RABL3: variants seen among roughly 807,000 people sequenced by gnomAD.
The protein encoded by RABL3 is RAB, member of RAS oncogene family like 3.
Under a neutral mutation model 31.8 loss-of-function variants are expected in RABL3, and 31 were observed. That is an observed-to-expected ratio of 0.97 (90% CI 0.73 to 1.31). The LOEUF is 1.31. RABL3 is among the 40% of genes most tolerant of loss of function. RABL3 has a pLI of 0.00. For missense variants in RABL3, 263 were observed against 279.6 expected, an observed-to-expected ratio of 0.94 and a Z score of 0.42; for synonymous variants, 97 against 99.9, an observed-to-expected ratio of 0.97 and a Z score of 0.18.
chr3:120,693,418 T>C (rs565106749), intron 6 of RABL3, among the ~76,000 whole-genome samples: 1 of 152,306 alleles, frequency 6.6e-6, no homozygotes, highest in South Asian at 2.1e-4. Context: ...TCTTAGGAGA[T>C]GTCACTTAAA....
At chr3:120,691,818 C>T (rs991706771) in intron 6 of RABL3, among the ~76,000 whole-genome samples, 1 of 152,166 alleles carries the variant, frequency 6.6e-6, no homozygotes, top group Non-Finnish European at 1.5e-5. Context: ...TGAGAACAGA[C>T]CAGCTTGCTC....
chr3:120,691,532 G>C (rs1274963071), intron 6 of RABL3, among the ~76,000 whole-genome samples: 1 of 152,150 alleles, frequency 6.6e-6, no homozygotes, highest in African/African-American at 2.4e-5. Context: ...CCTAACTGTA[G>C]GCTAACATAA....
At position 120,742,456 on chromosome 3, in the gene RABL3, G is replaced by T. The variant is rs772553183; in HGVS notation, c.46+6C>A. 6.2e-7 allele frequency: 1 copy of T among 1,613,816 alleles called. No individual in the cohort carries two copies. Among genetic ancestry groups the T allele is most frequent in the Non-Finnish European group, 8.5e-7 (1 of 1,179,710 alleles). ...TGGAGCCCCAGAGGTAGGGTAAGCC[G>T]CTCACCTGAGTCTCCCAACACCAGT... On this transcript the variant is annotated splice_donor_region_variant and intron_variant, in intron 1 of 7. Coordinates refer to ENST00000273375, the MANE Select transcript of RABL3 (RefSeq NM_173825.5).
chr3:120,739,414 A>C (rs1407847381), intron 1 of RABL3, among the ~76,000 whole-genome samples: 1 of 152,092 alleles, frequency 6.6e-6, no homozygotes, highest in South Asian at 2.1e-4. Context: ...AGCTTGCTTT[A>C]GTCTGCATTT....
Position 120,694,273 on chromosome 3 carries a change from C to T in RABL3, c.535-49G>A, listed in dbSNP as rs544732017. On this transcript the variant is annotated intron_variant, in intron 5 of 7. Coordinates refer to ENST00000273375, the MANE Select transcript of RABL3 (RefSeq NM_173825.5). ...ACAATTGAAAGTTAGGAAACCCAAG[C>T]TCGTTGCTATTCATAACTTATCCTG... 4.7e-6 allele frequency: 6 copies of T among 1,273,494 alleles called. No individual in the cohort carries two copies. In the Admixed American group the frequency reaches 1.1e-4, roughly 22 times the overall value. 78.9% of individuals were successfully genotyped at this position (1,273,494 alleles called of 1,614,324 possible). A position where few individuals can be genotyped will look rare whatever the true frequency, so the allele number is the denominator to read the frequency against.
Position 120,709,820 on chromosome 3 carries a change from G to A in RABL3, c.228C>T (p.Ser76=), listed in dbSNP as rs577096248. 15 of 1,612,028 alleles carry A rather than the reference G, an allele frequency of 9.3e-6. No homozygotes were observed. Among genetic ancestry groups the A allele is most frequent in the South Asian group, 4.4e-5 (4 of 90,990 alleles). ...AGAATACTGCTCTTGTGCTTTTCAC[G>A]CTGCTGGCACTGCCCACAGAGCCTC... ...DVGGSVGSAS[S]VKSTRAVFYN... The change falls in exon 3 of 8, where the codon AGC becomes AGT. Residue 76 remains serine (S), a synonymous_variant. Transcript: ENST00000273375.
intron 2 of RABL3, among the ~76,000 whole-genome samples, chr3:120,729,169 TCAGA>T (rs1708855122): frequency 6.6e-6 from 1 of 152,158 alleles, no homozygotes; most frequent in Non-Finnish European, 1.5e-5. Context: ...GTCAGGGACC[TCAGA>T]CAGAAGGTAG....
chr3:120,700,272 G>A (rs1198689473), intron 4 of RABL3, among the ~76,000 whole-genome samples: 1 of 151,866 alleles, frequency 6.6e-6, no homozygotes, highest in Non-Finnish European at 1.5e-5. Flanking sequence ...AATACTGGGT[G>A]GAAAAATAAA....
Position 120,687,492 on chromosome 3 carries a change from T to C in RABL3, c.*2331A>G, listed in dbSNP as rs1000952514. The C allele has an allele frequency of 6.6e-6, 1 of 152,228 alleles. No individual in the cohort carries two copies. The highest frequency in any genetic ancestry group is 2.4e-5 in the African/African-American group (1 of 41,470). The allele number at this position is 152,228 out of a possible 1,614,324, so 9.4% of individuals were successfully genotyped here. A position where few individuals can be genotyped will look rare whatever the true frequency, so the allele number is the denominator to read the frequency against. On this transcript the variant is annotated 3_prime_UTR_variant, in exon 8 of 8. Transcript: ENST00000273375. ...TTTTGACATTTATACTTGTTTATTATCTAAAAGCATTTTTATGAATAGTTC... is the reference window on the plus strand; with the variant it reads ...TTTTGACATTTATACTTGTTTATTACCTAAAAGCATTTTTATGAATAGTTC...
chr3:120,721,372 A>G (rs186357425), intron 2 of RABL3, among the ~76,000 whole-genome samples: 1 of 152,354 alleles, frequency 6.6e-6, no homozygotes, highest in East Asian at 1.9e-4. Flanking sequence ...AAATGCTCCA[A>G]TTAAAAGACA....
intron 2 of RABL3, among the ~76,000 whole-genome samples, chr3:120,719,672 A>C (rs572621247): frequency 3.4e-4 from 52 of 152,338 alleles, no homozygotes; most frequent in African/African-American, 1.2e-3. Flanking sequence ...ACCATTGCCA[A>C]GGCTTGAGTA....
chr3:120,702,262 C>T (rs888176397), intron 4 of RABL3, among the ~76,000 whole-genome samples: 3 of 152,128 alleles, frequency 2.0e-5, no homozygotes, highest in African/African-American at 4.8e-5. Flanking sequence ...GACAATTTTT[C>T]CATGGACAGG....
intron 4 of RABL3, among the ~76,000 whole-genome samples, chr3:120,704,096 T>C (rs1708522765): frequency 6.6e-6 from 1 of 152,174 alleles, no homozygotes; most frequent in Non-Finnish European, 1.5e-5. Flanking sequence ...GTCAAAGACA[T>C]TATGAGAACA....
intron 1 of RABL3, among the ~76,000 whole-genome samples, chr3:120,735,996 G>A (rs1289435750): frequency 6.6e-6 from 1 of 152,202 alleles, no homozygotes; most frequent in Admixed American, 6.5e-5. Context: ...AGTGTGATGT[G>A]GTGCTGAGAA....
intron 6 of RABL3, among the ~76,000 whole-genome samples, chr3:120,693,584 G>C (rs989620179): frequency 2.6e-5 from 4 of 152,186 alleles, no homozygotes; most frequent in African/African-American, 9.7e-5. Flanking sequence ...GAAAGACAAA[G>C]AGTGCTCTAA....
chr3:120,715,289 A>G (rs1052335093), intron 2 of RABL3, among the ~76,000 whole-genome samples: 1 of 152,222 alleles, frequency 6.6e-6, no homozygotes, highest in Non-Finnish European at 1.5e-5. Context: ...CTATAATCCC[A>G]GCACATTTGG....
intron 2 of RABL3, among the ~76,000 whole-genome samples, chr3:120,724,514 C>A (rs984026597): frequency 1.3e-5 from 2 of 152,172 alleles, no homozygotes; most frequent in Admixed American, 1.3e-4. Flanking sequence ...GCCAAAAGGA[C>A]AAAGCTGGAG....
At chr3:120,693,228 A>G (rs1158270606) in intron 6 of RABL3, among the ~76,000 whole-genome samples, 1 of 152,090 alleles carries the variant, frequency 6.6e-6, no homozygotes, top group Non-Finnish European at 1.5e-5. Context: ...CTAGTGGCCT[A>G]ATATTAATCG....
At position 120,700,938 on chromosome 3, in the gene RABL3, C is replaced by T. The variant is rs187162325; in HGVS notation, c.384-2365G>A. Among the ~76,000 whole-genome samples the T allele has an allele frequency of 8.9e-4, 135 of 151,774 alleles. 2 individuals carry two copies. The highest frequency in any genetic ancestry group is 2.4e-3 in the Admixed American group (36 of 15,236). On this transcript the variant is annotated intron_variant, in intron 4 of 7. Coordinates refer to ENST00000273375, the MANE Select transcript of RABL3 (RefSeq NM_173825.5). ...AAAAACTACATAATATAAAATTTAC[C>T]TAAATTGTTTAAATATGGCTAAAAA...
Sources: allele counts gnomAD v4.1 joint callset (sites outside exome capture counted in the v4.1 genomes callset), GRCh38; gene constraint gnomAD v4.1.1; transcripts MANE v1.5; gene names NCBI Gene and HGNC (gene_info 2026-07-23, HGNC 2026-07-21).